FRAS1: variants seen among roughly 807,000 people sequenced by gnomAD.
The protein encoded by FRAS1 is Fraser extracellular matrix complex subunit 1, also known as extracellular matrix organizing protein FRAS1.
Under a neutral mutation model 435.2 loss-of-function variants are expected in FRAS1, and 290 were observed. The ratio of observed to expected loss-of-function variants is 0.67; its 90% CI spans 0.61 to 0.73. The LOEUF is 0.73. FRAS1 is among the 30% of genes least tolerant of loss of function. The pLI is 0.00. For synonymous variants in FRAS1, 1,800 were observed against 1,851.0 expected, an observed-to-expected ratio of 0.97 and a Z score of 0.71; for missense variants, 4,860 against 5,001.5, an observed-to-expected ratio of 0.97 and a Z score of 0.85.
At position 78,065,980 on chromosome 4, in the gene FRAS1, C is replaced by T. The variant is rs1434767162; in HGVS notation, c.77-5C>T. The T allele has an allele frequency of 1.2e-6, 2 of 1,604,446 alleles. No individual in the cohort carries two copies. The highest frequency in any genetic ancestry group is 1.1e-5 in the South Asian group (1 of 90,522). On this transcript the variant is annotated splice_region_variant and splice_polypyrimidine_tract_variant and intron_variant, in intron 1 of 73. Coordinates refer to ENST00000512123, the MANE Select transcript of FRAS1 (RefSeq NM_025074.7). ...TTTTAATTCTTGTTTTGTTTTTCCC[C>T]ACAGGTGCTTGTGTCTATCAGGATT...
At chr4:78,234,977 A>T (rs897081624) in intron 2 of FRAS1, among the ~76,000 whole-genome samples, 15 of 152,210 alleles carry the variant, frequency 9.9e-5, no homozygotes, top group Non-Finnish European at 1.9e-4. Context: ...ATTTTAAGGG[A>T]TTGGCTCATG....
At chr4:78,416,729 G>T (rs1733571111) in intron 32 of FRAS1, among the ~76,000 whole-genome samples, 1 of 152,144 alleles carries the variant, frequency 6.6e-6, no homozygotes, top group South Asian at 2.1e-4. Flanking sequence ...CTTTTCTTCT[G>T]ATTAAAATGG....
At chr4:78,300,268 G>T (rs891150508) in intron 14 of FRAS1, among the ~76,000 whole-genome samples, 2 of 152,094 alleles carry the variant, frequency 1.3e-5, no homozygotes, top group East Asian at 3.9e-4. Flanking sequence ...AAGCTTAAGG[G>T]TAAGTTTATC....
At chr4:78,105,510 G>C (rs947771871) in intron 2 of FRAS1, among the ~76,000 whole-genome samples, 4 of 152,164 alleles carry the variant, frequency 2.6e-5, no homozygotes, top group Non-Finnish European at 4.4e-5. Context: ...AGGATATGAG[G>C]AAAGATAACA....
chr4:78,181,904 C>G (rs540704847), intron 2 of FRAS1: 1 of 1,610,952 alleles, frequency 6.2e-7, no homozygotes, highest in South Asian at 1.1e-5. Flanking sequence ...GGCCCCAGGG[C>G]CCCCAACGCC....
At chr4:78,105,595 G>A (rs901689986) in intron 2 of FRAS1, among the ~76,000 whole-genome samples, 1 of 152,178 alleles carries the variant, frequency 6.6e-6, no homozygotes, top group Non-Finnish European at 1.5e-5. Context: ...AGATGGGGGA[G>A]AGGATGTGTG....
intron 22 of FRAS1, among the ~76,000 whole-genome samples, chr4:78,368,334 CTT>C (rs796677701): frequency 7.2e-6 from 1 of 138,382 alleles, no homozygotes. Context: ...CAATAGCATT[CTT>C]TTTTTTTTTC....
rs748798088 is a variant in FRAS1 at position 78,413,120 on chromosome 4, G to C, written c.4425+35G>C. On this transcript the variant is annotated intron_variant, in intron 32 of 73. Coordinates refer to ENST00000512123, the MANE Select transcript of FRAS1 (RefSeq NM_025074.7). ...GTGGGAGGCTTGTGGTTTCCACTTA[G>C]AGGAGGCACACAGCACGCTGATGGG... 6.3e-6 allele frequency: 8 copies of C among 1,268,478 alleles called. No individual in the cohort carries two copies. In the South Asian group the frequency reaches 1.0e-4, roughly 17 times the overall value. 78.6% of individuals were successfully genotyped at this position (1,268,478 alleles called of 1,614,324 possible).
At chr4:78,317,539 G>C (rs559059589) in intron 17 of FRAS1, 31 bp downstream of exon 17, 2 of 1,586,252 alleles carry the variant, frequency 1.3e-6, no homozygotes, top group East Asian at 2.3e-5. Flanking sequence ...ATTCTTGAGA[G>C]GCTATCCCAC....
chr4:78,070,261 A>G (rs1156385009), intron 2 of FRAS1, among the ~76,000 whole-genome samples: 2 of 118,378 alleles, frequency 1.7e-5, no homozygotes, highest in Admixed American at 1.8e-4. Flanking sequence ...AAGTGTATAT[A>G]TATATATATA....
chr4:78,479,645 G>A lies in FRAS1; in HGVS notation c.8370G>A (p.Val2790=). Residue 2790 remains valine (V), a synonymous_variant, in exon 56 of 74, where the codon GTG becomes GTA. Transcript: ENST00000512123. ...ARIGRVATAK[V]LISGPNDAST... ...TTGGAAGGGTGGCGACAGCCAAGGT[G>A]CTCATTAGTGGTCCCAACGATGCCT... 6.2e-7 allele frequency: 1 copy of A among 1,613,680 alleles called. No homozygotes were observed. The highest frequency in any genetic ancestry group is 1.1e-5 in the South Asian group (1 of 91,026).
At chr4:78,319,512 A>G (rs1053036999) in intron 18 of FRAS1, 7 of 433,220 alleles carry the variant, frequency 1.6e-5, no homozygotes, top group African/African-American at 6.1e-5. Context: ...GGGAAGTATT[A>G]TAGTTTCCTT....
At chr4:78,138,513 A>G (rs1005750560) in intron 2 of FRAS1, among the ~76,000 whole-genome samples, 1 of 152,036 alleles carries the variant, frequency 6.6e-6, no homozygotes, top group Non-Finnish European at 1.5e-5. Context: ...TCTTAACTAT[A>G]TATTATTGCT....
chr4:78,317,325 C>G (rs1275702635), intron 16 of FRAS1, 43 bp from the exon 17 acceptor site: 1 of 1,610,666 alleles, frequency 6.2e-7, no homozygotes. Context: ...GCACTTTATT[C>G]ACCCATGTCC....
At chr4:78,305,452 G>T (rs1356634639) in intron 14 of FRAS1, among the ~76,000 whole-genome samples, 1 of 150,508 alleles carries the variant, frequency 6.6e-6, no homozygotes, top group Non-Finnish European at 1.5e-5. Context: ...GTCTAATGTT[G>T]ACAGTGGGGT....
At position 78,430,274 on chromosome 4, in the gene FRAS1, T is replaced by G; in HGVS notation, c.4844-18T>G. The G allele has an allele frequency of 6.2e-7, 1 of 1,613,750 alleles. No individual in the cohort carries two copies. Among genetic ancestry groups the G allele is most frequent in the Non-Finnish European group, 8.5e-7 (1 of 1,179,830 alleles). Reference sequence around the variant, plus strand: ...CATACGCTTTCTCTCTCACCACGCTTCCTTCTCCTTGCTGCAGGACTTCAG... The same window carrying G: ...CATACGCTTTCTCTCTCACCACGCTGCCTTCTCCTTGCTGCAGGACTTCAG... On this transcript the variant is annotated intron_variant, in intron 36 of 73. Coordinates refer to ENST00000512123, the MANE Select transcript of FRAS1 (RefSeq NM_025074.7).
At chr4:78,385,139 C>T (rs1285408851) in intron 28 of FRAS1, among the ~76,000 whole-genome samples, 2 of 152,122 alleles carry the variant, frequency 1.3e-5, no homozygotes, top group African/African-American at 4.8e-5. Context: ...CATCATTCAT[C>T]TCCATCAAGT....
At chr4:78,535,665 A>T (rs1484196382) in intron 71 of FRAS1, among the ~76,000 whole-genome samples, 1 of 152,146 alleles carries the variant, frequency 6.6e-6, no homozygotes, top group Non-Finnish European at 1.5e-5. Context: ...CCTCACAGCT[A>T]TATTTTAGGT....
At chr4:78,284,689 A>G in intron 13 of FRAS1, 141 bp downstream of exon 13, 1 of 704,216 alleles carries the variant, frequency 1.4e-6, no homozygotes, top group South Asian at 2.6e-5. Flanking sequence ...ACAACGTCTA[A>G]AAACCTCTAG....
Sources: allele counts gnomAD v4.1 joint callset (sites outside exome capture counted in the v4.1 genomes callset), GRCh38; gene constraint gnomAD v4.1.1; transcripts MANE v1.5; gene names NCBI Gene and HGNC (gene_info 2026-07-23, HGNC 2026-07-21).